Variants in ARHGAP39 observed in about 807,000 individuals in gnomAD.
ARHGAP39 encodes rho GTPase-activating protein 39.
In ARHGAP39, 44 loss-of-function variants were observed where a neutral mutation model predicts 106.9. That is an observed-to-expected ratio of 0.41 (90% CI 0.32 to 0.53). ARHGAP39 has a LOEUF of 0.53. Ranked by LOEUF, ARHGAP39 falls within the 20% of genes least tolerant of loss-of-function variation. The pLI is 0.21. For missense variants in ARHGAP39, 1,496 were observed against 1,577.3 expected (o/e 0.95, Z 0.87); for synonymous variants, 768 against 693.2 (o/e 1.11, Z -1.69).
At chr8:144,640,375 G>A (rs1306204145) in intron 1 of ARHGAP39, among the ~76,000 whole-genome samples, 1 of 152,178 alleles carries the variant, frequency 6.6e-6, no homozygotes, top group East Asian at 1.9e-4. Flanking sequence ...TTCCCATGCT[G>A]TTTTCGTGAT....
chr8:144,618,306 G>A (rs185220126), intron 1 of ARHGAP39, among the ~76,000 whole-genome samples: 251 of 152,334 alleles, frequency 1.6e-3, no homozygotes, highest in African/African-American at 5.7e-3. Flanking sequence ...CTGGTGCTGA[G>A]GGGTCTGTCA....
chr8:144,565,674 C>T (rs908607279), intron 3 of ARHGAP39, among the ~76,000 whole-genome samples: 16 of 152,024 alleles, frequency 1.1e-4, no homozygotes, highest in Admixed American at 3.9e-4. Context: ...GGTGACAGAG[C>T]GAGATTCCAT....
intron 1 of ARHGAP39, among the ~76,000 whole-genome samples, chr8:144,613,500 T>C (rs534905311): frequency 6.6e-6 from 1 of 152,184 alleles, no homozygotes; most frequent in South Asian, 2.1e-4. Flanking sequence ...GTTTTTTTTT[T>C]TTTCCCTTTC....
chr8:144,691,508 T>C, the ARHGAP39 span, among the ~76,000 whole-genome samples: 1 of 152,110 alleles, frequency 6.6e-6, no homozygotes, highest in Non-Finnish European at 1.5e-5. Flanking sequence ...GGGTGTCTAG[T>C]AGGCAGGCAC....
chr8:144,686,675 G>C (rs1822597617), upstream of ARHGAP39, among the ~76,000 whole-genome samples: 1 of 152,170 alleles, frequency 6.6e-6, no homozygotes, highest in Non-Finnish European at 1.5e-5. Context: ...CCGTCGGGCT[G>C]TCTCGCCGCC....
intron 1 of ARHGAP39, among the ~76,000 whole-genome samples, chr8:144,637,090 T>C (rs1821190675): frequency 1.3e-5 from 2 of 152,214 alleles, no homozygotes; most frequent in South Asian, 2.1e-4. Context: ...TGTGGGTGTC[T>C]GGTGGACTCT....
At chr8:144,658,173 G>A (rs905498310) in intron 1 of ARHGAP39, among the ~76,000 whole-genome samples, 3 of 152,018 alleles carry the variant, frequency 2.0e-5, no homozygotes, top group African/African-American at 7.3e-5. Flanking sequence ...GAAATGGCGC[G>A]ATCTTGGCTC....
In ARHGAP39 at chr8:144,545,774, T is replaced by G; in HGVS notation, c.1996A>C (p.Ser666Arg). 2.5e-6 allele frequency: 4 copies of G among 1,595,032 alleles called. No individual in the cohort carries two copies. The highest frequency in any genetic ancestry group is 3.4e-6 in the Non-Finnish European group (4 of 1,171,614). The stretch of plus-strand genomic sequence containing the variant: ...GGAACGCCGCTGCGGCTCTGCCGGC[T>G]GCTCTCGAACTGGGCACAGGCAGCG... ...DLAACAQFES[S>R]RQSRSGVPSS... Residue 666 changes from serine (S) to arginine (R), a missense_variant, in exon 6 of 12, where the codon AGC becomes CGC. Around this residue, in one of 4 missense-constraint regions of ARHGAP39, gnomAD observed 905 missense variants for 816.4 expected, o/e 1.11. Coordinates refer to ENST00000377307, the MANE Select transcript of ARHGAP39 (RefSeq NM_025251.3).
intron 1 of ARHGAP39, among the ~76,000 whole-genome samples, chr8:144,623,115 T>C (rs1441871020): frequency 6.6e-6 from 1 of 152,212 alleles, no homozygotes; most frequent in African/African-American, 2.4e-5. Context: ...GATCTTTGAA[T>C]CGTTTGGAGG....
At chr8:144,588,123 T>C (rs1819252183) in intron 2 of ARHGAP39, among the ~76,000 whole-genome samples, 2 of 152,338 alleles carry the variant, frequency 1.3e-5, no homozygotes, top group African/African-American at 4.8e-5. Flanking sequence ...GGACACGGGT[T>C]GGCCATGTGT....
At chr8:144,616,244 C>T (rs1820633030) in intron 1 of ARHGAP39, among the ~76,000 whole-genome samples, 1 of 152,224 alleles carries the variant, frequency 6.6e-6, no homozygotes, top group Non-Finnish European at 1.5e-5. Context: ...ACCTGCCTGG[C>T]AGCACAGCCC....
In ARHGAP39 at chr8:144,533,340, G is replaced by A; in HGVS notation, c.2689-15C>T. 1 of 1,610,392 alleles carries A rather than the reference G, an allele frequency of 6.2e-7. No homozygotes were observed. The highest frequency in any genetic ancestry group is 8.5e-7 in the Non-Finnish European group (1 of 1,178,640). On this transcript the variant is annotated splice_polypyrimidine_tract_variant and intron_variant, in intron 8 of 11. Coordinates refer to ENST00000377307, the MANE Select transcript of ARHGAP39 (RefSeq NM_025251.3). Reference sequence around the variant, plus strand: ...TTCTTCAGCCCCTGTGAAGACAGAGGCTCCGTCCTGGTCTGGCCTGGCCAT... The same window carrying A: ...TTCTTCAGCCCCTGTGAAGACAGAGACTCCGTCCTGGTCTGGCCTGGCCAT...
intron 7 of ARHGAP39, among the ~76,000 whole-genome samples, chr8:144,535,179 C>T (rs1391020371): frequency 6.6e-6 from 1 of 152,140 alleles, no homozygotes; most frequent in East Asian, 1.9e-4. Flanking sequence ...TTTGAAGGAG[C>T]AGTTTCTGGT....
intron 1 of ARHGAP39, among the ~76,000 whole-genome samples, chr8:144,656,199 A>G (rs886699023): frequency 6.6e-6 from 1 of 151,826 alleles, no homozygotes; most frequent in Non-Finnish European, 1.5e-5. Context: ...ATAAGGAAAA[A>G]AAAAAAAAAA....
chr8:144,575,575 G>A (rs1390177374), intron 3 of ARHGAP39, among the ~76,000 whole-genome samples: 1 of 152,114 alleles, frequency 6.6e-6, no homozygotes, highest in Non-Finnish European at 1.5e-5. Flanking sequence ...ATGGTGTCCT[G>A]GGAGAAAGCA....
At chr8:144,689,948 C>T (rs995275615), upstream of ARHGAP39, among the ~76,000 whole-genome samples, 8 of 150,258 alleles carry the variant, frequency 5.3e-5, no homozygotes, top group African/African-American at 9.8e-5. Flanking sequence ...CGTGTCACCA[C>T]GTTGGCCAGT....
chr8:144,692,903 G>T, the ARHGAP39 span, among the ~76,000 whole-genome samples: 2 of 151,458 alleles, frequency 1.3e-5, no homozygotes, highest in Non-Finnish European at 2.9e-5. Flanking sequence ...GGGATTACAG[G>T]CATGTGCCAG....
intron 1 of ARHGAP39, among the ~76,000 whole-genome samples, chr8:144,673,917 G>C (rs527843378): frequency 5.3e-5 from 8 of 152,338 alleles, no homozygotes; most frequent in Non-Finnish European, 1.0e-4. Context: ...CGAGGCTGCG[G>C]CTTGACCAGA....
intron 1 of ARHGAP39, among the ~76,000 whole-genome samples, chr8:144,667,371 G>T (rs1450528402): frequency 6.6e-6 from 1 of 152,180 alleles, no homozygotes; most frequent in Non-Finnish European, 1.5e-5. Flanking sequence ...CTTTGTGACT[G>T]AGGCCCACCT....
Sources: allele counts gnomAD v4.1 joint callset (sites outside exome capture counted in the v4.1 genomes callset), GRCh38; gene constraint gnomAD v4.1.1; regional missense constraint gnomAD v4.1.1; transcripts MANE v1.5; gene names NCBI Gene and HGNC (gene_info 2026-07-23, HGNC 2026-07-21).